The following PPP2R2A variants were observed in gnomAD, a reference collection of about 807,000 sequenced individuals.
The protein encoded by PPP2R2A is serine/threonine-protein phosphatase 2A 55 kDa regulatory subunit B alpha isoform.
PPP2R2A carries 9 observed loss-of-function variants against 53.2 expected under a neutral mutation model. The ratio of observed to expected loss-of-function variants is 0.17; its 90% CI spans 0.10 to 0.30. The LOEUF (loss-of-function observed/expected upper bound fraction) is 0.30, where lower values mean the gene tolerates loss of function less well. Ranked by LOEUF, PPP2R2A falls within the 10% of genes least tolerant of loss-of-function variation. The pLI, the probability that PPP2R2A is intolerant of heterozygous loss-of-function variation, is 1.00. For synonymous variants in PPP2R2A, 169 were observed against 174.2 expected, an observed-to-expected ratio of 0.97 and a Z score of 0.23; for missense variants, 235 against 534.6, an observed-to-expected ratio of 0.44 and a Z score of 5.53.
rs1259971395 is a variant in PPP2R2A, at chr8:26,326,735, T to A, written c.83-12155T>A. On this transcript the variant is annotated intron_variant, in intron 2 of 9. Transcript: ENST00000380737. ...TTTACATTATACTTAATAAGGCCAC[T>A]GAATGAGGTGGTTTGCTTTTGTGAA... 5.3e-5 allele frequency among the ~76,000 whole-genome samples: 8 copies of A among 152,228 alleles called. 1 individual carries two copies. The highest frequency in any genetic ancestry group is 5.2e-4 in the Admixed American group (8 of 15,282).
rs115870461 is a variant in PPP2R2A at position 26,324,108 on chromosome 8, C to G, written c.83-14782C>G. 6.7e-3 allele frequency among the ~76,000 whole-genome samples: 1,020 copies of G among 152,292 alleles called. 7 individuals are homozygous for G. Among genetic ancestry groups the G allele is most frequent in the African/African-American group, 0.023 (969 of 41,564 alleles). Reference sequence around the variant, plus strand: ...TTGTTTGCATCAAGTTTGCCAGCCTCTTTTCTCATTAGGCCTGGCATTCTG... The same window carrying G: ...TTGTTTGCATCAAGTTTGCCAGCCTGTTTTCTCATTAGGCCTGGCATTCTG... On this transcript the variant is annotated intron_variant, in intron 2 of 9. Coordinates refer to ENST00000380737, the MANE Select transcript of PPP2R2A (RefSeq NM_002717.4).
intron 2 of PPP2R2A, chr8:26,333,506 T>C: frequency 8.1e-7 from 1 of 1,232,722 alleles, no homozygotes; most frequent in Non-Finnish European, 1.1e-6. Context: ...TGAGACATAG[T>C]CCTCAAGTGG....
intron 3 of PPP2R2A, among the ~76,000 whole-genome samples, chr8:26,353,660 A>C (rs1253936436): frequency 6.6e-6 from 1 of 152,202 alleles, no homozygotes; most frequent in Non-Finnish European, 1.5e-5. Context: ...TATAATTCTC[A>C]CTTTTGCTGA....
At chr8:26,311,628 C>A (rs1802294343) in intron 2 of PPP2R2A, among the ~76,000 whole-genome samples, 1 of 152,190 alleles carries the variant, frequency 6.6e-6, no homozygotes. Context: ...GTGATCATGC[C>A]TGTGAACAAC....
chr8:26,350,583 TCTC>T (rs1804446200), intron 3 of PPP2R2A: 1 of 152,088 alleles, frequency 6.6e-6, no homozygotes, highest in South Asian at 2.1e-4. Flanking sequence ...TTTTTCTCTC[TCTC>T]TTTTTTTGGT....
At chr8:26,332,327 C>T (rs1372261246) in intron 2 of PPP2R2A, among the ~76,000 whole-genome samples, 1 of 148,312 alleles carries the variant, frequency 6.7e-6, no homozygotes, top group Non-Finnish European at 1.5e-5. Flanking sequence ...TGCCACTGCA[C>T]TCCAGCCTGG....
chr8:26,352,192 T>C (rs1365369840), intron 3 of PPP2R2A, among the ~76,000 whole-genome samples: 3 of 152,348 alleles, frequency 2.0e-5, no homozygotes, highest in African/African-American at 4.8e-5. Flanking sequence ...GGAGAGGTTT[T>C]TAAAACAAAA....
intron 4 of PPP2R2A, among the ~76,000 whole-genome samples, chr8:26,355,490 C>G (rs1187008052): frequency 1.4e-4 from 22 of 152,112 alleles, no homozygotes; most frequent in Admixed American, 1.4e-3. Flanking sequence ...GCAGTCTGCC[C>G]CGCTCAGTCT....
rs754780649 is a variant in PPP2R2A at position 26,370,316 on chromosome 8, A to G, written c.1247A>G (p.Asn416Ser). 3.1e-6 allele frequency: 5 copies of G among 1,614,118 alleles called. No homozygotes were observed. The highest frequency in any genetic ancestry group is 2.7e-5 in the African/African-American group (2 of 74,950). Residue 416 changes from asparagine (N) to serine (S), a missense_variant, in exon 10 of 10, where the codon AAT becomes AGT. Asn to Ser is a conservative substitution (Grantham distance 46, BLOSUM62 1). This residue lies in a region of PPP2R2A where 181 missense variants were observed against 409.9 expected (regional missense o/e 0.44). Coordinates refer to ENST00000380737, the MANE Select transcript of PPP2R2A (RefSeq NM_002717.4). The surrounding 1 kb of genome is among the most constrained non-coding windows in gnomAD (Gnocchi z 6.1). ...ATAAGTGTTGACAGCCTAGACTTCA[A>G]TAAGAAAATCCTTCACACAGCCTGG... Reference protein sequence around the residue: ...DEISVDSLDFNKKILHTAWHP... With the variant: ...DEISVDSLDFSKKILHTAWHP...
At chr8:26,356,307 G>A (rs1804780081) in intron 4 of PPP2R2A, among the ~76,000 whole-genome samples, 1 of 152,152 alleles carries the variant, frequency 6.6e-6, no homozygotes, top group Non-Finnish European at 1.5e-5. Context: ...ATGCCTGATG[G>A]CCATCAGCGT....
At position 26,300,538 on chromosome 8, in the gene PPP2R2A, G is replaced by T. The variant is rs551641222; in HGVS notation, c.82+6798G>T. ...AATTAAGTAATCAAGTATCCATAAG[G>T]TGCTTCCTCAGCAGACAGAAAGAAA... On this transcript the variant is annotated intron_variant, in intron 2 of 9. Coordinates refer to ENST00000380737, the MANE Select transcript of PPP2R2A (RefSeq NM_002717.4). Among the ~76,000 whole-genome samples the T allele has an allele frequency of 1.1e-4, 16 of 152,230 alleles. No homozygotes were observed. The South Asian group carries it at 2.1e-3, about 20-fold the overall frequency.
At chr8:26,314,895 C>G (rs955214404) in intron 2 of PPP2R2A, among the ~76,000 whole-genome samples, 1 of 144,802 alleles carries the variant, frequency 6.9e-6, no homozygotes, top group African/African-American at 2.6e-5. Flanking sequence ...CCTTCCCCCC[C>G]CCCCCCCCAA....
chr8:26,309,154 C>T (rs113394188), intron 2 of PPP2R2A, among the ~76,000 whole-genome samples: 4,046 of 152,244 alleles, frequency 0.027, 176 homozygotes, highest in African/African-American at 0.093. Context: ...AGCCACCATG[C>T]GCAGCCTATA....
intron 2 of PPP2R2A, among the ~76,000 whole-genome samples, chr8:26,300,094 T>G (rs1380251715): frequency 2.0e-5 from 3 of 152,228 alleles, no homozygotes; most frequent in African/African-American, 7.2e-5. Context: ...TGCTTTGTTT[T>G]AAAATACTAA....
At chr8:26,342,448 T>C (rs768149939) in intron 3 of PPP2R2A, among the ~76,000 whole-genome samples, 11 of 152,148 alleles carry the variant, frequency 7.2e-5, no homozygotes, top group Non-Finnish European at 1.0e-4. Flanking sequence ...TTTTAGGGAT[T>C]TTTGTTGTTT....
chr8:26,360,009 T>G lies in PPP2R2A; in HGVS notation c.347-160T>G, dbSNP rs562454787. On this transcript the variant is annotated intron_variant, in intron 4 of 9. Coordinates refer to ENST00000380737, the MANE Select transcript of PPP2R2A (RefSeq NM_002717.4). This position sits in a 1 kb window ranked among gnomAD's most constrained non-coding sequence, Gnocchi z 4.5. ...GCACTTTATTTCCATGTGTGTATGT[T>G]ATTCAGCTGATAATAGGAAATTTTT... Among the ~76,000 whole-genome samples, 2 of 152,076 alleles carry G rather than the reference T, an allele frequency of 1.3e-5. No individual in the cohort carries two copies. The highest frequency in any genetic ancestry group is 4.8e-5 in the African/African-American group (2 of 41,502).
At chr8:26,304,825 G>T (rs1181861956) in intron 2 of PPP2R2A, among the ~76,000 whole-genome samples, 1 of 152,104 alleles carries the variant, frequency 6.6e-6, no homozygotes, top group East Asian at 1.9e-4. Flanking sequence ...TGCTTGTTCT[G>T]TCTTTCTTCT....
chr8:26,332,286 G>A (rs981737621), intron 2 of PPP2R2A, among the ~76,000 whole-genome samples: 4 of 151,294 alleles, frequency 2.6e-5, no homozygotes, highest in Non-Finnish European at 4.4e-5. Context: ...GTTTCAACCC[G>A]GGAGGCAGAG....
rs536841475 is a variant in PPP2R2A, at chr8:26,297,261, C to T, written c.82+3521C>T. On this transcript the variant is annotated intron_variant, in intron 2 of 9. Coordinates refer to ENST00000380737, the MANE Select transcript of PPP2R2A (RefSeq NM_002717.4). ...AGAAGCTGGGACTACAGGTGCACCC[C>T]GCCATGTCCGGCTCATTTTTGTATT... Among the ~76,000 whole-genome samples the T allele has an allele frequency of 4.6e-5, 7 of 152,180 alleles. No individual in the cohort carries two copies. In the South Asian group the frequency reaches 6.2e-4, roughly 14 times the overall value.
Sources: allele counts gnomAD v4.1 joint callset (sites outside exome capture counted in the v4.1 genomes callset), GRCh38; gene constraint gnomAD v4.1.1; regional missense constraint gnomAD v4.1.1; non-coding constraint Gnocchi (gnomAD v3.1); transcripts MANE v1.5; gene names NCBI Gene and HGNC (gene_info 2026-07-23, HGNC 2026-07-21).